GABRA6: variants seen among roughly 807,000 people sequenced by gnomAD.
The protein encoded by GABRA6 is gamma-aminobutyric acid type A receptor subunit alpha6, also known as gamma-aminobutyric acid receptor subunit alpha-6.
In GABRA6, 45 loss-of-function variants were observed where a neutral mutation model predicts 47.3. That is an observed-to-expected ratio of 0.95 (90% CI 0.75 to 1.22). The LOEUF (loss-of-function observed/expected upper bound fraction) is 1.22. GABRA6 is among the 50% of genes most tolerant of loss of function. The pLI is 0.00. For missense variants in GABRA6, 583 were observed against 549.3 expected (o/e 1.06, Z -0.61); for synonymous variants, 219 against 194.7 (o/e 1.12, Z -1.04).
chr5:161,689,811 C>T, intron 6 of GABRA6, 32 bp downstream of exon 6: 1 of 1,593,212 alleles, frequency 6.3e-7, no homozygotes, highest in South Asian at 1.1e-5. Flanking sequence ...GGAAATAATC[C>T]CTCAGGATGA....
rs1341383063 is a variant in GABRA6, at chr5:161,701,783, A to G, written c.*10A>G. On this transcript the variant is annotated 3_prime_UTR_variant, in exon 9 of 9. Transcript: ENST00000274545. The stretch of plus-strand genomic sequence containing the variant: ...TAGCAGTGTTGAATAGCTTGCGGCC[A>G]GGACAACCTGAATTCTATAAGTTCT... 1.9e-6 allele frequency: 3 copies of G among 1,613,882 alleles called. No homozygotes were observed. Among genetic ancestry groups the G allele is most frequent in the Non-Finnish European group, 2.5e-6 (3 of 1,179,716 alleles).
intron 8 of GABRA6, among the ~76,000 whole-genome samples, chr5:161,696,363 T>G (rs1301611438): frequency 1.3e-5 from 2 of 152,020 alleles, no homozygotes; most frequent in East Asian, 3.9e-4. Flanking sequence ...TTTTTTTTTT[T>G]TTTTTGAAAC....
In GABRA6 at chr5:161,698,946, C is replaced by G. The variant is rs535126391; in HGVS notation, c.1087-2552C>G. On this transcript the variant is annotated intron_variant, in intron 8 of 8. Coordinates refer to ENST00000274545, the MANE Select transcript of GABRA6 (RefSeq NM_000811.3). ...TACAAATTTTTTGTGGTGTTTGGTTCTGAATGGTACTTCTGACTTCCGGAC... is the reference window on the plus strand; with the variant it reads ...TACAAATTTTTTGTGGTGTTTGGTTGTGAATGGTACTTCTGACTTCCGGAC... 2.0e-3 allele frequency among the ~76,000 whole-genome samples: 308 copies of G among 152,138 alleles called. 3 individuals carry two copies. Among genetic ancestry groups the G allele is most frequent in the African/African-American group, 7.0e-3 (289 of 41,498 alleles).
In GABRA6 at chr5:161,701,711, C is replaced by T. The variant is rs576359902; in HGVS notation, c.1300C>T (p.Leu434Phe). The change falls in exon 9 of 9, where the codon CTT becomes TTT. Residue 434 changes from leucine to phenylalanine, a missense_variant. Leu to Phe is a conservative substitution (Grantham distance 22). Transcript: ENST00000274545. ...CCCAGTTGCATTTGCAGGATTCAAC[C>T]TTGTGTACTGGGTAGTTTATCTTTC... The part of the protein sequence containing the change: ...LFPVAFAGFN[L>F]VYWVVYLSKD... The T allele has an allele frequency of 2.5e-6, 4 of 1,614,104 alleles. No homozygotes were observed. The highest frequency in any genetic ancestry group is 1.3e-5 in the African/African-American group (1 of 75,042).
rs77560656 is a variant in GABRA6 at position 161,697,908 on chromosome 5, T to C, written c.1087-3590T>C. Among the ~76,000 whole-genome samples, 323 of 152,306 alleles carry C rather than the reference T, an allele frequency of 2.1e-3. 5 individuals are homozygous for C. In the East Asian group the frequency reaches 0.045, roughly 21 times the overall value. On this transcript the variant is annotated intron_variant, in intron 8 of 8. Transcript: ENST00000274545. Reference sequence around the variant, plus strand: ...TCTATCAAATGAAGATAATATGACATTGTGGATTTTTTGAAGAAATTCGTG... The same window carrying C: ...TCTATCAAATGAAGATAATATGACACTGTGGATTTTTTGAAGAAATTCGTG...
rs773585316 is a variant in GABRA6 at position 161,701,567 on chromosome 5, G to T, written c.1156G>T (p.Glu386Ter). Residue 386 changes from glutamate (E) to a stop codon, truncating the protein, a stop_gained, in exon 9 of 9, where the codon GAG (glutamate) becomes TAG (stop). Coordinates refer to ENST00000274545, the MANE Select transcript of GABRA6 (RefSeq NM_000811.3). LOFTEE classifies it high-confidence loss of function. ...SLSLPIVSSS[E>*]ANKVLTRAPI... is the part of the protein sequence containing the mutation. ...GTCTTTGCCAATAGTTTCATCTTCC[G>T]AGGCCAATAAAGTGCTCACGAGAGC... 6.2e-7 allele frequency: 1 copy of T among 1,613,972 alleles called. No homozygotes were observed. Among genetic ancestry groups the T allele is most frequent in the Admixed American group, 1.7e-5 (1 of 59,982 alleles).
chr5:161,698,848 T>C (rs982624101), intron 8 of GABRA6, among the ~76,000 whole-genome samples: 4 of 152,160 alleles, frequency 2.6e-5, no homozygotes, highest in African/African-American at 9.6e-5. Context: ...AATGCTAATG[T>C]AGGAAATCTT....
chr5:161,701,750 G>T lies in GABRA6; in HGVS notation c.1339G>T (p.Glu447Ter). The part of the protein sequence containing the change: ...WVVYLSKDTM[E>*]VSSSVE The stretch of plus-strand genomic sequence containing the variant: ...AGTTTATCTTTCCAAAGATACAATG[G>T]AAGTCAGTAGCAGTGTTGAATAGCT... Residue 447 changes from glutamate to a stop codon, truncating the protein, a stop_gained, in exon 9 of 9, where the codon GAA becomes TAA. Transcript: ENST00000274545. LOFTEE classifies it high-confidence loss of function. The T allele has an allele frequency of 6.2e-7, 1 of 1,614,152 alleles. No individual in the cohort carries two copies. The highest frequency in any genetic ancestry group is 8.5e-7 in the Non-Finnish European group (1 of 1,179,990).
intron 7 of GABRA6, among the ~76,000 whole-genome samples, chr5:161,691,288 C>CTTTTTTTTTTTTTT (rs1160422481): frequency 8.3e-5 from 7 of 84,714 alleles, no homozygotes; most frequent in Non-Finnish European, 1.1e-4. Flanking sequence ...TTTTTCTTTC[C>CTTTTTTTTTTTTTT]TTTTTTTTTT....
intron 8 of GABRA6, among the ~76,000 whole-genome samples, chr5:161,697,157 AG>A (rs1197782605): frequency 6.6e-6 from 1 of 152,232 alleles, no homozygotes; most frequent in Non-Finnish European, 1.5e-5. Flanking sequence ...ACTCAGCAGC[AG>A]GGGAGCCCTG....
At chr5:161,699,081 G>T (rs1368651772) in intron 8 of GABRA6, among the ~76,000 whole-genome samples, 2 of 152,008 alleles carry the variant, frequency 1.3e-5, no homozygotes, top group Non-Finnish European at 2.9e-5. Flanking sequence ...AATAAGCAAG[G>T]CTTTACATTT....
chr5:161,689,418 A>G, intron 5 of GABRA6, 82 bp downstream of exon 5: 9 of 1,227,390 alleles, frequency 7.3e-6, no homozygotes, highest in Non-Finnish European at 1.1e-5. Flanking sequence ...CTGGAAATCA[A>G]GGAAGAAATA....
chr5:161,688,752 A>G (rs1281839637), intron 3 of GABRA6, among the ~76,000 whole-genome samples, 197 bp from the exon 4 acceptor site: 1 of 152,220 alleles, frequency 6.6e-6, no homozygotes, highest in South Asian at 2.1e-4. Context: ...ATATCACAGC[A>G]CTATCTTTTA....
In GABRA6 at chr5:161,685,988, G is replaced by A. The variant is rs562907722; in HGVS notation, c.-2G>A. 1 of 1,613,806 alleles carries A rather than the reference G, an allele frequency of 6.2e-7. No homozygotes were observed. Among genetic ancestry groups the A allele is most frequent in the African/African-American group, 1.3e-5 (1 of 75,046 alleles). ...GAATTCTGCATTTCAGTGCACTGCA[G>A]GATGGCGTCGTCTCTGCCCTGGCTG... On this transcript the variant is annotated 5_prime_UTR_variant, in exon 1 of 9. Transcript: ENST00000274545.
Position 161,701,644 on chromosome 5 carries a change from T to C in GABRA6, c.1233T>C (p.Phe411=), listed in dbSNP as rs536296393. 6.2e-7 allele frequency: 1 copy of C among 1,614,200 alleles called. No homozygotes were observed. The highest frequency in any genetic ancestry group is 8.5e-7 in the Non-Finnish European group (1 of 1,180,036). Residue 411 remains phenylalanine, a synonymous_variant, in exon 9 of 9, where the codon TTT becomes TTC. Coordinates refer to ENST00000274545, the MANE Select transcript of GABRA6 (RefSeq NM_000811.3). The part of the protein sequence containing the change: ...PVTPPPLSPA[F]GGTSKIDQYS... ...CACCCCCACCACTCTCGCCAGCCTT[T>C]GGAGGCACCAGTAAAATAGACCAGT...
At chr5:161,689,359 G>A in intron 5 of GABRA6, 23 bp downstream of exon 5, 3 of 1,584,430 alleles carry the variant, frequency 1.9e-6, no homozygotes, top group Non-Finnish European at 2.6e-6. Flanking sequence ...AGGCTTCTGA[G>A]AGTCAAATAA....
At chr5:161,698,218 T>A (rs1754917423) in intron 8 of GABRA6, among the ~76,000 whole-genome samples, 2 of 151,736 alleles carry the variant, frequency 1.3e-5, no homozygotes, top group Non-Finnish European at 2.9e-5. Context: ...CATTAAAGAG[T>A]TTCCATGCTA....
intron 8 of GABRA6, among the ~76,000 whole-genome samples, chr5:161,694,309 GAA>G (rs201591796): frequency 1.5e-5 from 2 of 132,492 alleles, no homozygotes; most frequent in African/African-American, 5.7e-5. Context: ...TAGTAAGAGT[GAA>G]AAAAAAAAAG....
chr5:161,702,149 A>C lies in GABRA6; in HGVS notation c.*376A>C. 4 of 238,192 alleles carry C rather than the reference A, an allele frequency of 1.7e-5. No individual in the cohort carries two copies. The South Asian group carries it at 1.8e-4, about 11-fold the overall frequency. 14.8% of individuals were successfully genotyped at this position (238,192 alleles called of 1,614,324 possible). A position where few individuals can be genotyped will look rare whatever the true frequency, so the allele number is the denominator to read the frequency against. The stretch of plus-strand genomic sequence containing the variant: ...TGACACTTCCAAAGGTTGCCTTAAA[A>C]TATGTTTATTTTGGCTTAGTTCCCG... On this transcript the variant is annotated 3_prime_UTR_variant, in exon 9 of 9. Coordinates refer to ENST00000274545, the MANE Select transcript of GABRA6 (RefSeq NM_000811.3).
Sources: gnomAD v4.1 joint callset for allele counts (sites outside exome capture counted in the v4.1 genomes callset) on GRCh38, gnomAD v4.1.1 for gene constraint, MANE v1.5 for transcripts, NCBI Gene and HGNC (gene_info 2026-07-23, HGNC 2026-07-21) for gene names.